AFG2A: variants seen among roughly 807,000 people sequenced by gnomAD.
AFG2A encodes the protein AAA ATPase AFG2A.
At chr4:123,299,788 T>C in the AFG2A span, among the ~76,000 whole-genome samples, 1 of 152,210 alleles carries the variant, frequency 6.6e-6, no homozygotes, top group South Asian at 2.1e-4. Context: ...TCTTCAGATT[T>C]TAAAAACTAG....
At chr4:123,270,995 C>A in the AFG2A span, among the ~76,000 whole-genome samples, 7 of 152,116 alleles carry the variant, frequency 4.6e-5, no homozygotes, top group Non-Finnish European at 8.8e-5. Flanking sequence ...TTTTGTGACA[C>A]CTATGAAGAA....
chr4:122,934,639 G>A, the AFG2A span: 1 of 1,613,882 alleles, frequency 6.2e-7, no homozygotes, highest in South Asian at 1.1e-5. Context: ...CCAATTCAAA[G>A]TAACTTATGA....
the AFG2A span, among the ~76,000 whole-genome samples, chr4:123,231,570 C>T: frequency 2.0e-5 from 3 of 152,030 alleles, no homozygotes; most frequent in South Asian, 2.1e-4. Flanking sequence ...TTCATGTGTT[C>T]ACTAGAGTAG....
At chr4:123,060,732 C>G in the AFG2A span, among the ~76,000 whole-genome samples, 3 of 152,156 alleles carry the variant, frequency 2.0e-5, no homozygotes, top group Admixed American at 2.0e-4. Context: ...GAGACATTTT[C>G]CCCATTGTCT....
the AFG2A span, among the ~76,000 whole-genome samples, chr4:123,129,524 C>T: frequency 7.9e-5 from 12 of 152,176 alleles, no homozygotes; most frequent in Non-Finnish European, 1.8e-4. Context: ...GAAAAACTAA[C>T]AGTCTCTGCG....
the AFG2A span, among the ~76,000 whole-genome samples, chr4:122,992,980 G>GTGTGTGTGTGTGTGTGTGTA: frequency 7.3e-5 from 11 of 151,276 alleles, no homozygotes; most frequent in Non-Finnish European, 5.9e-5. Context: ...GTGTGTATGT[G>GTGTGTGTGTGTGTGTGTGTA]TGTGTGTGTG....
chr4:123,121,467 C>T, the AFG2A span, among the ~76,000 whole-genome samples: 1 of 152,174 alleles, frequency 6.6e-6, no homozygotes, highest in East Asian at 1.9e-4. Context: ...ACTTCCAGTC[C>T]TGCAAGTACC....
the AFG2A span, among the ~76,000 whole-genome samples, chr4:123,073,435 CTT>C: frequency 1.3e-5 from 2 of 151,908 alleles, no homozygotes; most frequent in East Asian, 1.9e-4. Context: ...AAATTTGTCT[CTT>C]TTTCTATTTT....
At chr4:123,315,316 T>C in the AFG2A span, 17 of 151,810 alleles carry the variant, frequency 1.1e-4, no homozygotes, top group African/African-American at 3.9e-4. Flanking sequence ...GCCTCCTGAG[T>C]AGCTGGGACT....
the AFG2A span, among the ~76,000 whole-genome samples, chr4:123,156,759 T>TA: frequency 1.7e-3 from 225 of 134,816 alleles, 2 homozygotes; most frequent in African/African-American, 5.6e-3. Flanking sequence ...TTAAGAAGAT[T>TA]AAAAAAAAAA....
the AFG2A span, among the ~76,000 whole-genome samples, chr4:123,173,519 C>T: frequency 6.6e-6 from 1 of 151,894 alleles, no homozygotes; most frequent in Admixed American, 6.6e-5. Context: ...CCACGCCCAG[C>T]TAATTTTTGT....
At chr4:123,085,735 T>C in the AFG2A span, among the ~76,000 whole-genome samples, 1 of 152,108 alleles carries the variant, frequency 6.6e-6, no homozygotes, top group Non-Finnish European at 1.5e-5. Context: ...ATCTACGATA[T>C]TTGTTACTGT....
the AFG2A span, among the ~76,000 whole-genome samples, chr4:123,054,454 A>T: frequency 1.3e-5 from 2 of 151,702 alleles, no homozygotes; most frequent in Non-Finnish European, 2.9e-5. Context: ...TATCGTGAAC[A>T]TCAAAAATAG....
chr4:123,210,535 G>A, the AFG2A span, among the ~76,000 whole-genome samples: 1 of 151,964 alleles, frequency 6.6e-6, no homozygotes, highest in Non-Finnish European at 1.5e-5. Context: ...TCTTTTTTTA[G>A]GCTGAATAGT....
the AFG2A span, among the ~76,000 whole-genome samples, chr4:122,946,651 T>C: frequency 6.6e-6 from 1 of 152,146 alleles, no homozygotes; most frequent in Non-Finnish European, 1.5e-5. Flanking sequence ...CTAATTTCAT[T>C]TTCAGAGAGT....
chr4:122,951,971 T>C, the AFG2A span, among the ~76,000 whole-genome samples: 3 of 152,192 alleles, frequency 2.0e-5, no homozygotes, highest in Admixed American at 1.3e-4. Flanking sequence ...GGGCTATTAA[T>C]GTGCTCCTTT....
chr4:123,189,222 T>C, the AFG2A span, among the ~76,000 whole-genome samples: 2 of 152,214 alleles, frequency 1.3e-5, no homozygotes, highest in Non-Finnish European at 2.9e-5. Flanking sequence ...CTCTGCGGAA[T>C]TCTCTCTTTG....
the AFG2A span, among the ~76,000 whole-genome samples, chr4:122,994,073 A>G: frequency 2.0e-5 from 3 of 152,116 alleles, no homozygotes; most frequent in African/African-American, 4.8e-5. Flanking sequence ...AATTTCAGAT[A>G]TATGTGAAAA....
the AFG2A span, among the ~76,000 whole-genome samples, chr4:123,147,823 T>C: frequency 1.4e-4 from 22 of 152,312 alleles, no homozygotes; most frequent in African/African-American, 5.3e-4. Context: ...AAATCATTAA[T>C]ACATTTATGT....
Sources: gnomAD v4.1 joint callset for allele counts (sites outside exome capture counted in the v4.1 genomes callset) on GRCh38, gnomAD v4.1.1 for gene constraint, MANE v1.5 for transcripts, NCBI Gene and HGNC (gene_info 2026-07-23, HGNC 2026-07-21) for gene names.